GPC5: variants seen among roughly 807,000 people sequenced by gnomAD.
GPC5 encodes glypican-5.
GPC5 carries 47 observed loss-of-function variants against 53.9 expected under a neutral mutation model. The ratio of observed to expected loss-of-function variants is 0.87; its 90% confidence interval spans 0.69 to 1.11. GPC5 has a LOEUF of 1.11. Among genes scored for constraint, GPC5 ranks in the 50% most tolerant of loss-of-function variants. The pLI, the probability that GPC5 is intolerant of heterozygous loss-of-function variation, is 0.00. For missense variants in GPC5, 748 were observed against 713.1 expected (o/e 1.05, Z -0.56); for synonymous variants, 286 against 263.3 (o/e 1.09, Z -0.84).
At chr13:92,351,259 A>G (rs2043474953) in intron 7 of GPC5, among the ~76,000 whole-genome samples, 1 of 151,970 alleles carries the variant, frequency 6.6e-6, no homozygotes, top group Non-Finnish European at 1.5e-5. Flanking sequence ...AACTACATAC[A>G]AAGTAGAGAT....
intron 5 of GPC5, among the ~76,000 whole-genome samples, chr13:91,759,709 T>C (rs1194379995): frequency 2.0e-5 from 3 of 151,834 alleles, no homozygotes; most frequent in Non-Finnish European, 4.4e-5. Flanking sequence ...GAATGAGATT[T>C]TTTTTTTCTC....
At chr13:92,585,844 T>C (rs924916719) in intron 7 of GPC5, among the ~76,000 whole-genome samples, 3 of 152,142 alleles carry the variant, frequency 2.0e-5, no homozygotes, top group African/African-American at 4.8e-5. Flanking sequence ...CTGCACAAGC[T>C]CTCTCTTTGC....
At chr13:92,403,861 A>G (rs1875671000) in intron 7 of GPC5, among the ~76,000 whole-genome samples, 2 of 152,226 alleles carry the variant, frequency 1.3e-5, no homozygotes, top group Non-Finnish European at 2.9e-5. Flanking sequence ...GACTATTCAT[A>G]GAGCTAATAA....
intron 7 of GPC5, among the ~76,000 whole-genome samples, chr13:92,753,249 G>A (rs1031547833): frequency 6.6e-6 from 1 of 152,052 alleles, no homozygotes; most frequent in Non-Finnish European, 1.5e-5. Context: ...ACACGGCAGG[G>A]TACTCCAACA....
chr13:91,437,797 A>G (rs1594089985), intron 1 of GPC5, among the ~76,000 whole-genome samples: 2 of 152,336 alleles, frequency 1.3e-5, no homozygotes, highest in African/African-American at 4.8e-5. Flanking sequence ...CAGGTACACC[A>G]ATCAGACATA....
At chr13:92,063,266 C>A (rs1348021560) in intron 6 of GPC5, among the ~76,000 whole-genome samples, 1 of 152,096 alleles carries the variant, frequency 6.6e-6, no homozygotes, top group Non-Finnish European at 1.5e-5. Context: ...CACTGCATTT[C>A]CAAGACCAGC....
intron 2 of GPC5, among the ~76,000 whole-genome samples, chr13:91,522,763 G>T: frequency 6.6e-6 from 1 of 152,166 alleles, no homozygotes; most frequent in East Asian, 1.9e-4. Context: ...AGAACATGTG[G>T]TGTTTGGTTT....
intron 7 of GPC5, among the ~76,000 whole-genome samples, chr13:92,234,945 A>C (rs189329308): frequency 7.0e-4 from 107 of 152,302 alleles, no homozygotes; most frequent in African/African-American, 2.2e-3. Context: ...GGGGCCATAC[A>C]ATCAGGTAGA....
intron 7 of GPC5, among the ~76,000 whole-genome samples, chr13:92,566,364 A>T (rs540174676): frequency 6.6e-6 from 1 of 152,276 alleles, no homozygotes; most frequent in East Asian, 1.9e-4. Flanking sequence ...TGTTTCCAAT[A>T]TTTCAAATTA....
intron 7 of GPC5, among the ~76,000 whole-genome samples, chr13:92,323,593 C>T (rs1033157701): frequency 6.6e-5 from 10 of 151,388 alleles, no homozygotes; most frequent in Admixed American, 2.0e-4. Flanking sequence ...TTTATTTTTA[C>T]TTATATAGTG....
intron 6 of GPC5, among the ~76,000 whole-genome samples, chr13:92,068,105 A>G (rs1284405649): frequency 6.6e-6 from 1 of 152,102 alleles, no homozygotes; most frequent in Non-Finnish European, 1.5e-5. Context: ...ATGGTTTTCA[A>G]TAATGGGATA....
intron 6 of GPC5, among the ~76,000 whole-genome samples, chr13:91,963,609 T>G (rs527357496): frequency 6.6e-6 from 1 of 152,140 alleles, no homozygotes; most frequent in South Asian, 2.1e-4. Flanking sequence ...ATAAATTAAG[T>G]GCAACAGGCA....
chr13:92,072,206 T>C (rs2041217734), intron 6 of GPC5, among the ~76,000 whole-genome samples: 1 of 148,830 alleles, frequency 6.7e-6, no homozygotes. Flanking sequence ...ATAAAATGTA[T>C]ATATAAATAT....
At chr13:92,126,615 G>C (rs1219805822) in intron 6 of GPC5, among the ~76,000 whole-genome samples, 1 of 152,132 alleles carries the variant, frequency 6.6e-6, no homozygotes, top group Non-Finnish European at 1.5e-5. Flanking sequence ...ATTATGTAAT[G>C]TCTATGGCTT....
chr13:92,205,996 C>T (rs1489180965), intron 7 of GPC5, among the ~76,000 whole-genome samples: 54 of 140,230 alleles, frequency 3.9e-4, no homozygotes, highest in African/African-American at 1.3e-3. Context: ...GAGCAGAGAT[C>T]GCACCACTGC....
At chr13:91,511,363 T>C (rs543855251) in intron 2 of GPC5, among the ~76,000 whole-genome samples, 2 of 152,324 alleles carry the variant, frequency 1.3e-5, no homozygotes, top group Non-Finnish European at 2.9e-5. Flanking sequence ...ATTATTTGGC[T>C]TCTCTTAATT....
At chr13:92,677,110 G>A (rs981844789) in intron 7 of GPC5, among the ~76,000 whole-genome samples, 8 of 152,142 alleles carry the variant, frequency 5.3e-5, no homozygotes, top group African/African-American at 1.7e-4. Flanking sequence ...ATTGAAGTAC[G>A]AAAACCTTTA....
intron 6 of GPC5, among the ~76,000 whole-genome samples, chr13:92,039,011 T>C (rs2040920854): frequency 6.6e-6 from 1 of 152,208 alleles, no homozygotes; most frequent in Non-Finnish European, 1.5e-5. Context: ...TTGCTGGTAA[T>C]TCACTTAAGG....
intron 5 of GPC5, among the ~76,000 whole-genome samples, chr13:91,804,027 C>G (rs2038179831): frequency 6.6e-6 from 1 of 150,954 alleles, no homozygotes; most frequent in South Asian, 2.1e-4. Context: ...GGCAAAGAGA[C>G]ATGGAGAAAA....
Sources: gnomAD v4.1 joint callset for allele counts (sites outside exome capture counted in the v4.1 genomes callset) on GRCh38, gnomAD v4.1.1 for gene constraint, MANE v1.5 for transcripts, NCBI Gene and HGNC (gene_info 2026-07-23, HGNC 2026-07-21) for gene names.